Variants in NAALAD2 observed in about 807,000 individuals in gnomAD.
NAALAD2 encodes N-acetylated-alpha-linked acidic dipeptidase 2.
In NAALAD2, 89 loss-of-function variants were observed where a neutral mutation model predicts 95.6. The ratio of observed to expected loss-of-function variants is 0.93; its 90% CI spans 0.78 to 1.11. NAALAD2 has a LOEUF of 1.11. Among genes scored for constraint, NAALAD2 ranks in the 50% least tolerant of loss-of-function variants. The pLI, the probability that NAALAD2 is intolerant of heterozygous loss-of-function variation, is 0.00. For synonymous variants in NAALAD2, 264 were observed against 294.4 expected, an observed-to-expected ratio of 0.90 and a Z score of 1.06; for missense variants, 894 against 872.4, an observed-to-expected ratio of 1.02 and a Z score of -0.31.
chr11:90,174,741 T>C (rs1952737724), intron 14 of NAALAD2, among the ~76,000 whole-genome samples: 2 of 151,908 alleles, frequency 1.3e-5, no homozygotes, highest in Admixed American at 1.3e-4. Flanking sequence ...TTTATTTTCT[T>C]TTTTCTAAAC....
intron 2 of NAALAD2, among the ~76,000 whole-genome samples, chr11:90,143,605 T>C (rs955175139): frequency 3.3e-5 from 5 of 152,178 alleles, no homozygotes; most frequent in African/African-American, 1.2e-4. Flanking sequence ...AGAAAGGTCT[T>C]GTTTACTATT....
intron 18 of NAALAD2, among the ~76,000 whole-genome samples, chr11:90,188,759 G>T (rs989043805): frequency 6.6e-6 from 1 of 152,146 alleles, no homozygotes; most frequent in Non-Finnish European, 1.5e-5. Context: ...GTAATATATT[G>T]TAACTATCAC....
chr11:90,176,823 A>G (rs1168028501), intron 15 of NAALAD2, among the ~76,000 whole-genome samples: 1 of 152,182 alleles, frequency 6.6e-6, no homozygotes, highest in Non-Finnish European at 1.5e-5. Context: ...TGTTCAGAAT[A>G]CAACAAAGAA....
At chr11:90,184,817 T>A (rs1342833978) in intron 18 of NAALAD2, among the ~76,000 whole-genome samples, 3 of 152,080 alleles carry the variant, frequency 2.0e-5, no homozygotes, top group Non-Finnish European at 4.4e-5. Context: ...TCTGTATCTG[T>A]GAGTTCCACA....
At chr11:90,185,260 ATAT>A (rs1467788763) in intron 18 of NAALAD2, among the ~76,000 whole-genome samples, 34 of 151,486 alleles carry the variant, frequency 2.2e-4, no homozygotes, top group South Asian at 4.1e-4. Flanking sequence ...TATATTTAAC[ATAT>A]TATAAATTTA....
chr11:90,149,746 G>C (rs1004451012), intron 4 of NAALAD2, among the ~76,000 whole-genome samples: 1 of 151,988 alleles, frequency 6.6e-6, no homozygotes, highest in Non-Finnish European at 1.5e-5. Flanking sequence ...CCAGCAGTAG[G>C]TGTTTTTACA....
chr11:90,134,955 G>A lies in NAALAD2; in HGVS notation c.82+115G>A, dbSNP rs1277432188. ...GCTGTGCGCTAGCCCTGGCCGGCTG[G>A]GCTAGATATGATAAACTCTGCACAT... is the stretch of plus-strand genomic sequence containing the variant. On this transcript the variant is annotated intron_variant, in intron 1 of 18. Coordinates refer to ENST00000534061, the MANE Select transcript of NAALAD2 (RefSeq NM_005467.4). The A allele has an allele frequency of 1.6e-5, 18 of 1,146,716 alleles. No homozygotes were observed. In the South Asian group the frequency reaches 1.8e-4, roughly 11 times the overall value. The allele number at this position is 1,146,716 out of a possible 1,614,324, so 71.0% of individuals were successfully genotyped here.
At chr11:90,185,858 C>CTTTTTTT (rs375865674) in intron 18 of NAALAD2, among the ~76,000 whole-genome samples, 45 of 133,064 alleles carry the variant, frequency 3.4e-4, no homozygotes, top group Admixed American at 2.1e-3. Context: ...AGGGTAAACA[C>CTTTTTTT]TTTTTTTTTT....
Position 90,182,964 on chromosome 11 carries a change from A to C in NAALAD2, c.1989A>C (p.Arg663Ser). Residue 663 changes from arginine (R) to serine (S), a missense_variant, in exon 18 of 19, where the codon AGA becomes AGC. By Grantham distance (110) the Arg-to-Ser change is moderately radical. Transcript: ENST00000534061. ...ATGACCAACTGATGCTCCTGGAAAG[A>C]GCATTCATCGATCCTCTTGGTTTAC... ...MMNDQLMLLE[R>S]AFIDPLGLPG... 1 of 1,612,882 alleles carries C rather than the reference A, an allele frequency of 6.2e-7. No homozygotes were observed. The highest frequency in any genetic ancestry group is 8.5e-7 in the Non-Finnish European group (1 of 1,179,080).
At chr11:90,159,083 A>C (rs1952206330) in intron 7 of NAALAD2, 156 bp from the exon 8 acceptor site, 2 of 625,172 alleles carry the variant, frequency 3.2e-6, no homozygotes, top group Non-Finnish European at 5.6e-6. Flanking sequence ...GCTAGAAAAT[A>C]AGCTCCACAA....
intron 13 of NAALAD2, among the ~76,000 whole-genome samples, chr11:90,170,720 G>C (rs1032133375): frequency 6.6e-6 from 1 of 152,190 alleles, no homozygotes; most frequent in Non-Finnish European, 1.5e-5. Flanking sequence ...AGCATAAGAA[G>C]AGGTTTGCAG....
In NAALAD2 at chr11:90,158,195, C is replaced by T. The variant is rs779278179; in HGVS notation, c.847C>T (p.Pro283Ser). 6.2e-7 allele frequency: 1 copy of T among 1,610,892 alleles called. No homozygotes were observed. Among genetic ancestry groups the T allele is most frequent in the Admixed American group, 1.7e-5 (1 of 59,806 alleles). The change falls in exon 7 of 19, where the codon CCT becomes TCT. Residue 283 changes from proline (P) to serine (S), a missense_variant. By Grantham distance (74) the Pro-to-Ser change is moderately conservative. Transcript: ENST00000534061. ...AGAAGGAGTGGGAATCCCCCGAATA[C>T]CTGTACATCCCATTGGATATAATGA... is the stretch of plus-strand genomic sequence containing the variant. Reference protein sequence around the residue: ...VEEGVGIPRIPVHPIGYNDAE... With the variant: ...VEEGVGIPRISVHPIGYNDAE...
chr11:90,170,288 A>G, intron 13 of NAALAD2, 152 bp downstream of exon 13: 2 of 589,616 alleles, frequency 3.4e-6, no homozygotes, highest in South Asian at 4.7e-5. Flanking sequence ...TATGCCATTT[A>G]CCTATATGAC....
intron 11 of NAALAD2, among the ~76,000 whole-genome samples, chr11:90,165,304 A>G (rs1952409490): frequency 6.6e-6 from 1 of 152,224 alleles, no homozygotes; most frequent in Non-Finnish European, 1.5e-5. Context: ...TCTTTATAAT[A>G]GAATGATATA....
chr11:90,172,804 G>A lies in NAALAD2; in HGVS notation c.1411-1020G>A, dbSNP rs1429676248. Among the ~76,000 whole-genome samples the A allele has an allele frequency of 2.0e-5, 3 of 152,202 alleles. No homozygotes were observed. The South Asian group carries it at 6.2e-4, about 32-fold the overall frequency. ...TAGAAAAATTAAGAATAGTGGCACA[G>A]AAGTTAGAATAACCAACTCTGTCTA... On this transcript the variant is annotated intron_variant, in intron 13 of 18. Transcript: ENST00000534061.
upstream of NAALAD2, chr11:90,131,708 C>G (rs1951355196): frequency 6.6e-6 from 1 of 152,048 alleles, no homozygotes; most frequent in South Asian, 2.1e-4. Flanking sequence ...ATTGCCATAA[C>G]CTGTTTGAAG....
intron 2 of NAALAD2, among the ~76,000 whole-genome samples, chr11:90,144,442 G>C (rs755357780): frequency 5.9e-5 from 9 of 151,914 alleles, no homozygotes; most frequent in Non-Finnish European, 1.3e-4. Context: ...GAGGAAACCA[G>C]TTAAGACAAG....
At chr11:90,136,137 G>A (rs1021592581) in intron 2 of NAALAD2, among the ~76,000 whole-genome samples, 1 of 152,070 alleles carries the variant, frequency 6.6e-6, no homozygotes, top group Non-Finnish European at 1.5e-5. Context: ...AAGACAAAAT[G>A]AAACCAAAAA....
chr11:90,183,213 T>C (rs1027569272), intron 18 of NAALAD2, among the ~76,000 whole-genome samples: 5 of 152,142 alleles, frequency 3.3e-5, no homozygotes, highest in African/African-American at 1.2e-4. Flanking sequence ...TGAGGGAAAA[T>C]GGTAAAGGCT....
Sources: allele counts gnomAD v4.1 joint callset (sites outside exome capture counted in the v4.1 genomes callset), GRCh38; gene constraint gnomAD v4.1.1; transcripts MANE v1.5; gene names NCBI Gene and HGNC (gene_info 2026-07-23, HGNC 2026-07-21).